The following CLTA variants were observed in gnomAD, a reference collection of about 807,000 sequenced individuals.
The protein encoded by CLTA is clathrin, light polypeptide (Lca).
CLTA carries 9 observed loss-of-function variants against 26.9 expected under a neutral mutation model. The observed-to-expected ratio is 0.33, with a 90% CI of 0.20 to 0.58. The LOEUF (loss-of-function observed/expected upper bound fraction) is 0.58. CLTA is among the 20% of genes least tolerant of loss of function. CLTA has a pLI of 0.85. For missense variants in CLTA, 278 were observed against 294.2 expected (o/e 0.94, Z 0.40); for synonymous variants, 120 against 115.5 (o/e 1.04, Z -0.25).
Position 36,211,925 on chromosome 9 carries a change from C to T in CLTA, c.*151C>T, listed in dbSNP as rs915183379. Reference sequence around the variant, plus strand: ...ATTGTTTGTGATTGCATGTTTCCTTCCTTCAACTGTGTTCTCCCTGGCATT... The same window carrying T: ...ATTGTTTGTGATTGCATGTTTCCTTTCTTCAACTGTGTTCTCCCTGGCATT... On this transcript the variant is annotated 3_prime_UTR_variant, in exon 5 of 5. Coordinates refer to ENST00000345519, the MANE Select transcript of CLTA (RefSeq NM_001833.4). 6.7e-5 allele frequency: 49 copies of T among 729,234 alleles called. No homozygotes were observed. Among genetic ancestry groups the T allele is most frequent in the Non-Finnish European group, 9.9e-5 (43 of 432,538 alleles). The allele number at this position is 729,234 out of a possible 1,614,324, so 45.2% of individuals were successfully genotyped here. A position where few individuals can be genotyped will look rare whatever the true frequency, so the allele number is the denominator to read the frequency against.
At chr9:36,211,079 C>T (rs1401475985) in intron 4 of CLTA, among the ~76,000 whole-genome samples, 1 of 152,236 alleles carries the variant, frequency 6.6e-6, no homozygotes, top group Non-Finnish European at 1.5e-5. Flanking sequence ...TCCAGAATGG[C>T]TTTAGTCTCT....
At position 36,191,179 on chromosome 9, in the gene CLTA, C is replaced by T. The variant is rs1826687162; in HGVS notation, c.123C>T (p.Ser41=). The change falls in exon 1 of 5, where the codon AGC becomes AGT. Residue 41 remains serine, a synonymous_variant. Coordinates refer to ENST00000345519, the MANE Select transcript of CLTA (RefSeq NM_001833.4). The part of the protein sequence containing the change: ...PAAAFLAQQE[S]EIAGIENDEA... ...CGGCCTTCTTGGCGCAGCAAGAGAG[C>T]GAGATTGCGGGCATCGAGAACGACG... The T allele has an allele frequency of 6.3e-7, 1 of 1,591,534 alleles. No homozygotes were observed. The highest frequency in any genetic ancestry group is 1.3e-5 in the African/African-American group (1 of 74,308).
At position 36,211,713 on chromosome 9, in the gene CLTA, A is replaced by G; in HGVS notation, c.596A>G (p.Lys199Arg). 1.2e-6 allele frequency: 2 copies of G among 1,614,142 alleles called. No individual in the cohort carries two copies. Among genetic ancestry groups the G allele is most frequent in the Non-Finnish European group, 1.7e-6 (2 of 1,179,998 alleles). Residue 199 changes from lysine to arginine, a missense_variant, in exon 5 of 5, where the codon AAA becomes AGA. Physicochemically the swap from Lys to Arg is conservative, Grantham distance 26 (BLOSUM62 2). Transcript: ENST00000345519. ...DFNPKSSKQA[K>R]DVSRMRSVLI... is the part of the protein sequence containing the mutation. ...AACCCCAAGTCTAGCAAGCAGGCCA[A>G]AGATGTCTCCCGCATGCGCTCAGTC... is the stretch of plus-strand genomic sequence containing the variant.
At chr9:36,199,731 G>A (rs1827293783) in intron 3 of CLTA, among the ~76,000 whole-genome samples, 1 of 152,094 alleles carries the variant, frequency 6.6e-6, no homozygotes, top group African/African-American at 2.4e-5. Flanking sequence ...TGGGATTACA[G>A]GCGTGAGCCA....
At chr9:36,192,924 T>A (rs1826818483) in intron 1 of CLTA, among the ~76,000 whole-genome samples, 1 of 152,188 alleles carries the variant, frequency 6.6e-6, no homozygotes, top group Non-Finnish European at 1.5e-5. Context: ...TCAAGGACAG[T>A]GTTACCCTTA....
chr9:36,211,265 G>A (rs1229650090), intron 4 of CLTA, among the ~76,000 whole-genome samples: 1 of 152,224 alleles, frequency 6.6e-6, no homozygotes, highest in Non-Finnish European at 1.5e-5. Context: ...TTCTTGATCA[G>A]CCTGCTGCTT....
chr9:36,208,614 C>T (rs1827853510), intron 4 of CLTA, among the ~76,000 whole-genome samples: 1 of 152,198 alleles, frequency 6.6e-6, no homozygotes, highest in African/African-American at 2.4e-5. Flanking sequence ...AAGTGTATCC[C>T]ACCCAGACAG....
At chr9:36,210,015 C>G (rs1827944774) in intron 4 of CLTA, among the ~76,000 whole-genome samples, 1 of 152,200 alleles carries the variant, frequency 6.6e-6, no homozygotes, top group South Asian at 2.1e-4. Flanking sequence ...TTGATACGGG[C>G]CACTTGGGCT....
chr9:36,210,609 T>G, intron 4 of CLTA: 1 of 1,614,120 alleles, frequency 6.2e-7, no homozygotes, highest in South Asian at 1.1e-5. Context: ...TTTCTTTTCT[T>G]CTCTTCACCT....
At position 36,212,047 on chromosome 9, in the gene CLTA, G is replaced by T. The variant is rs985306360; in HGVS notation, c.*273G>T. The T allele has an allele frequency of 1.8e-6, 1 of 564,160 alleles. No homozygotes were observed. Among genetic ancestry groups the T allele is most frequent in the East Asian group, 3.7e-5 (1 of 27,368 alleles). The allele number at this position is 564,160 out of a possible 1,614,324, so 34.9% of individuals were successfully genotyped here. The stretch of plus-strand genomic sequence containing the variant: ...TGCATTATTCTGAGAATAAATTTCT[G>T]TTTCAAACTGTATTATGTGAAGCTT... On this transcript the variant is annotated 3_prime_UTR_variant, in exon 5 of 5. Transcript: ENST00000345519.
rs1479278680 is a variant in CLTA at position 36,211,628 on chromosome 9, G to T, written c.511G>T (p.Asp171Tyr). 6.2e-7 allele frequency: 1 copy of T among 1,613,086 alleles called. No homozygotes were observed. Among genetic ancestry groups the T allele is most frequent in the African/African-American group, 1.3e-5 (1 of 74,918 alleles). ...GGCAGCAGAAGAAGCCTTTGTAAAT[G>T]ACATTGACGAGTCGTCCCCAGGCAC... ...NRAAEEAFVN[D>Y]IDESSPGTEW... The change falls in exon 5 of 5, where the codon GAC becomes TAC. Residue 171 changes from aspartate to tyrosine, a missense_variant. Physicochemically the swap from Asp to Tyr is radical, Grantham distance 160. Transcript: ENST00000345519.
intron 1 of CLTA, among the ~76,000 whole-genome samples, chr9:36,196,350 T>C (rs904787366): frequency 1.3e-5 from 2 of 149,934 alleles, no homozygotes; most frequent in African/African-American, 2.4e-5. Context: ...TTCTTTTTTT[T>C]TTTTTTTATT....
chr9:36,203,900 A>G (rs1827568915), intron 3 of CLTA, 168 bp from the exon 4 acceptor site: 1 of 464,092 alleles, frequency 2.2e-6, no homozygotes, highest in Admixed American at 6.4e-5. Context: ...TTGGTTGTGC[A>G]AACAGAGAAA....
At chr9:36,209,260 T>A in intron 4 of CLTA, 2 of 1,614,130 alleles carry the variant, frequency 1.2e-6, no homozygotes, top group Non-Finnish European at 1.7e-6. Context: ...GACCTCTTGC[T>A]GTCTAGGGTG....
intron 3 of CLTA, among the ~76,000 whole-genome samples, chr9:36,200,340 A>G (rs1348835375): frequency 6.6e-6 from 1 of 151,942 alleles, no homozygotes; most frequent in Non-Finnish European, 1.5e-5. Flanking sequence ...AGACATACAC[A>G]CACACAAATT....
At chr9:36,205,726 C>T (rs1041326740) in intron 4 of CLTA, among the ~76,000 whole-genome samples, 1 of 149,200 alleles carries the variant, frequency 6.7e-6, no homozygotes, top group Non-Finnish European at 1.5e-5. Context: ...ATACAGAATC[C>T]GTTGTTCTCA....
At chr9:36,192,868 T>G (rs999184376) in intron 1 of CLTA, among the ~76,000 whole-genome samples, 3 of 152,178 alleles carry the variant, frequency 2.0e-5, no homozygotes, top group Non-Finnish European at 4.4e-5. Context: ...GGAACAGATT[T>G]GGGAGAAGCA....
At chr9:36,197,997 CTTTTTTTTT>C (rs11308341) in intron 2 of CLTA, among the ~76,000 whole-genome samples, 1 of 104,246 alleles carries the variant, frequency 9.6e-6, no homozygotes, top group Non-Finnish European at 1.9e-5. Context: ...TTATTTGAGT[CTTTTTTTTT>C]TTTTTTTTTT....
At chr9:36,209,130 G>T in intron 4 of CLTA, 1 of 1,021,024 alleles carries the variant, frequency 9.8e-7, no homozygotes, top group Non-Finnish European at 1.5e-6. Flanking sequence ...AGCCTCACGG[G>T]GGTTAGGAAG....
Sources: allele counts gnomAD v4.1 joint callset (sites outside exome capture counted in the v4.1 genomes callset), GRCh38; gene constraint gnomAD v4.1.1; transcripts MANE v1.5; gene names NCBI Gene and HGNC (gene_info 2026-07-23, HGNC 2026-07-21).